The following PROS1 variants were observed in gnomAD, a reference collection of about 807,000 sequenced individuals.
PROS1 encodes the protein protein S, also known as vitamin K-dependent protein S.
A neutral mutation model predicts 75.9 loss-of-function variants in PROS1; 29 were observed. The observed-to-expected ratio is 0.38, with a 90% confidence interval of 0.28 to 0.52. PROS1 has a LOEUF of 0.52. Among genes scored for constraint, PROS1 ranks in the 20% least tolerant of loss-of-function variants. The probability of loss-of-function intolerance (pLI) is 0.83; values close to 1 mark genes in which losing one functional copy is unlikely to be tolerated. For synonymous variants in PROS1, 245 were observed against 280.6 expected (o/e 0.87, Z 1.27); for missense variants, 680 against 810.3 (o/e 0.84, Z 1.95).
At chr3:93,905,660 C>T (rs970112176) in intron 6 of PROS1, 124 bp downstream of exon 6, 29 of 1,046,010 alleles carry the variant, frequency 2.8e-5, no homozygotes, top group African/African-American at 2.6e-4. Context: ...GCTTCAATGT[C>T]GATAAAAATG....
At chr3:93,942,096 A>G (rs1310116845) in intron 1 of PROS1, among the ~76,000 whole-genome samples, 7 of 151,934 alleles carry the variant, frequency 4.6e-5, no homozygotes, top group Admixed American at 4.6e-4. Flanking sequence ...CACCCTGATC[A>G]CACTTGGTTT....
At chr3:93,876,405 G>A (rs759177011) in intron 14 of PROS1, among the ~76,000 whole-genome samples, 2 of 152,004 alleles carry the variant, frequency 1.3e-5, no homozygotes, top group East Asian at 1.9e-4. Flanking sequence ...TGGTTAACAC[G>A]GTGAAACCCC....
chr3:93,889,932 G>A (rs866486506), intron 10 of PROS1, among the ~76,000 whole-genome samples: 9 of 152,148 alleles, frequency 5.9e-5, no homozygotes, highest in Non-Finnish European at 1.0e-4. Flanking sequence ...GTCTGACTGC[G>A]TGCAGGGTCG....
At chr3:93,956,812 A>G (rs1709610860) in intron 1 of PROS1, among the ~76,000 whole-genome samples, 1 of 152,178 alleles carries the variant, frequency 6.6e-6, no homozygotes, top group South Asian at 2.1e-4. Context: ...GCTTGCATTA[A>G]CAAAGATTTA....
chr3:93,876,043 G>C (rs1316532633), intron 14 of PROS1, among the ~76,000 whole-genome samples: 1 of 152,084 alleles, frequency 6.6e-6, no homozygotes, highest in Non-Finnish European at 1.5e-5. Context: ...ATACCTAAAA[G>C]TCATCCTTAT....
chr3:93,953,385 T>A (rs1467741285), intron 1 of PROS1, among the ~76,000 whole-genome samples: 2 of 152,134 alleles, frequency 1.3e-5, no homozygotes, highest in African/African-American at 4.8e-5. Context: ...TCCACCCCGA[T>A]CAAGTTGGCT....
intron 12 of PROS1, among the ~76,000 whole-genome samples, chr3:93,884,278 T>A (rs1708313949): frequency 6.6e-6 from 1 of 152,144 alleles, no homozygotes. Context: ...GAATTTAAAA[T>A]AATTATGATG....
rs563170378 is a variant in PROS1 at position 93,888,370 on chromosome 3, C to T, written c.1156-1867G>A. ...CAAGTGTTATAGTTATAGTTGACTA[C>T]GTATATATTGAAATACATATTATTT... On this transcript the variant is annotated intron_variant, in intron 10 of 14. Coordinates refer to ENST00000394236, the MANE Select transcript of PROS1 (RefSeq NM_000313.4). Among the ~76,000 whole-genome samples the T allele has an allele frequency of 2.1e-4, 32 of 152,192 alleles. 3 individuals carry two copies. The Middle Eastern group carries it at 0.014, about 65-fold the overall frequency.
Position 93,877,114 on chromosome 3 carries a change from A to G in PROS1, c.1722T>C (p.His574=). 1 of 1,612,858 alleles carries G rather than the reference A, an allele frequency of 6.2e-7. No individual in the cohort carries two copies. The highest frequency in any genetic ancestry group is 8.5e-7 in the Non-Finnish European group (1 of 1,178,926). The change falls in exon 14 of 15, where the codon CAT becomes CAC. Residue 574 remains histidine (H), a synonymous_variant. Coordinates refer to ENST00000394236, the MANE Select transcript of PROS1 (RefSeq NM_000313.4). ...ALSLCSDQQS[H]LEFRVNRNNL... ...TGTTTCTGTTGACTCTAAATTCCAG[A>G]TGAGATTGTTGATCGGAACATAGAC...
At chr3:93,919,939 CATAT>C (rs1271712237) in intron 3 of PROS1, among the ~76,000 whole-genome samples, 4 of 152,016 alleles carry the variant, frequency 2.6e-5, no homozygotes, top group African/African-American at 7.2e-5. Flanking sequence ...CTGAAAATAC[CATAT>C]AGTTTTATTT....
intron 1 of PROS1, among the ~76,000 whole-genome samples, chr3:93,955,289 C>T (rs532097263): frequency 8.5e-5 from 13 of 152,184 alleles, no homozygotes; most frequent in Non-Finnish European, 1.2e-4. Flanking sequence ...ATGTTTATTG[C>T]GGCACTATTC....
In PROS1 at chr3:93,900,855, A is replaced by C; in HGVS notation, c.676T>G (p.Cys226Gly). ...TATCTGTAGCCTTCGGGGCATTCAC[A>C]TTCAAAATCTCCTGGGATGTTCTTG... ...VCKNIPGDFE[C>G]ECPEGYRYNL... The change falls in exon 7 of 15, where the codon TGT becomes GGT. Residue 226 changes from cysteine to glycine, a missense_variant. Transcript: ENST00000394236. 6.2e-7 allele frequency: 1 copy of C among 1,614,050 alleles called. No homozygotes were observed. Among genetic ancestry groups the C allele is most frequent in the Non-Finnish European group, 8.5e-7 (1 of 1,179,996 alleles).
At chr3:93,971,670 CAT>C (rs1491383991) in intron 1 of PROS1, among the ~76,000 whole-genome samples, 4 of 149,926 alleles carry the variant, frequency 2.7e-5, no homozygotes, top group Admixed American at 1.3e-4. Context: ...CACACACACA[CAT>C]AAATTAGCTG....
chr3:93,896,578 G>A lies in PROS1; in HGVS notation c.963C>T (p.Ser321=), dbSNP rs569018785. ...LYLKFRLPEI[S]RFSAEFDFRT... ...TATCATTGGTATTGGTTCCTCACCT[G>A]CTGATTTCTGGCAAACGAAATTTTA... Residue 321 remains serine (S), a splice_region_variant and synonymous_variant, in exon 9 of 15, where the codon AGC becomes AGT. Coordinates refer to ENST00000394236, the MANE Select transcript of PROS1 (RefSeq NM_000313.4). The A allele has an allele frequency of 1.9e-6, 3 of 1,599,986 alleles. No homozygotes were observed. The highest frequency in any genetic ancestry group is 1.1e-5 in the South Asian group (1 of 90,802).
intron 1 of PROS1, among the ~76,000 whole-genome samples, chr3:93,927,748 T>C (rs1328662627): frequency 6.6e-6 from 1 of 150,628 alleles, no homozygotes; most frequent in Admixed American, 6.7e-5. Context: ...ACCTTCGTAA[T>C]CCCAGCACTT....
chr3:93,884,266 G>C (rs1708313839), intron 12 of PROS1, among the ~76,000 whole-genome samples: 1 of 152,138 alleles, frequency 6.6e-6, no homozygotes, highest in South Asian at 2.1e-4. Context: ...CTACGAGACA[G>C]GGAATTTAAA....
intron 8 of PROS1, 103 bp downstream of exon 8, chr3:93,898,345 T>G (rs548150772): frequency 7.5e-7 from 1 of 1,337,934 alleles, no homozygotes; most frequent in East Asian, 2.4e-5. Context: ...CAGCAATTAT[T>G]GCAGAACGTC....
chr3:93,955,080 G>C (rs141487929), intron 1 of PROS1, among the ~76,000 whole-genome samples: 1 of 152,156 alleles, frequency 6.6e-6, no homozygotes, highest in Non-Finnish European at 1.5e-5. Context: ...GAAACAACAG[G>C]TGCTGGAGAG....
intron 3 of PROS1, among the ~76,000 whole-genome samples, chr3:93,918,850 T>C (rs1163933450): frequency 6.6e-6 from 1 of 152,210 alleles, no homozygotes; most frequent in Non-Finnish European, 1.5e-5. Context: ...CCAGTGGTTA[T>C]GTGTATTTTT....
Sources: gnomAD v4.1 joint callset for allele counts (sites outside exome capture counted in the v4.1 genomes callset) on GRCh38, gnomAD v4.1.1 for gene constraint, MANE v1.5 for transcripts, NCBI Gene and HGNC (gene_info 2026-07-23, HGNC 2026-07-21) for gene names.